Variants in MAP3K21 observed in about 807,000 individuals in gnomAD.
MAP3K21 encodes mitogen-activated protein kinase kinase kinase 21.
A neutral mutation model predicts 86.1 loss-of-function variants in MAP3K21; 63 were observed. The ratio of observed to expected loss-of-function variants is 0.73; its 90% CI spans 0.60 to 0.90. The LOEUF (loss-of-function observed/expected upper bound fraction) is 0.90. Among genes scored for constraint, MAP3K21 ranks in the 40% least tolerant of loss-of-function variants. The pLI is 0.00. For missense variants in MAP3K21, 1,220 were observed against 1,367.7 expected, an observed-to-expected ratio of 0.89 and a Z score of 1.70; for synonymous variants, 558 against 564.8, an observed-to-expected ratio of 0.99 and a Z score of 0.17.
At position 233,364,856 on chromosome 1, in the gene MAP3K21, G is replaced by C. The variant is rs574104375; in HGVS notation, c.1552+2563G>C. ...ACCAAGGAATGAAATTTGGTTTCTG[G>C]AATTTTTAGCATGACAGTTACCTCT... On this transcript the variant is annotated intron_variant, in intron 5 of 9. Transcript: ENST00000366624. 4.8e-4 allele frequency among the ~76,000 whole-genome samples: 73 copies of C among 152,106 alleles called. 1 individual carries two copies. The South Asian group carries it at 0.014, about 30-fold the overall frequency.
intron 4 of MAP3K21, 82 bp from the exon 5 acceptor site, chr1:233,361,971 G>C: frequency 6.7e-7 from 1 of 1,500,102 alleles, no homozygotes; most frequent in Non-Finnish European, 9.0e-7. Context: ...CCGTGGCCGA[G>C]GGGTCGCCAG....
chr1:233,333,857 T>C lies in MAP3K21; in HGVS notation c.805+5024T>C, dbSNP rs1411196121. Among the ~76,000 whole-genome samples the C allele has an allele frequency of 2.0e-5, 3 of 152,060 alleles. No individual in the cohort carries two copies. The East Asian group carries it at 5.8e-4, about 29-fold the overall frequency. On this transcript the variant is annotated intron_variant, in intron 1 of 9. Coordinates refer to ENST00000366624, the MANE Select transcript of MAP3K21 (RefSeq NM_032435.3). ...GCAGCTAAGGGAAACAGCATTGGCT[T>C]TTTTGTGTGTGTTTTTGTTTTTTTG...
intron 1 of MAP3K21, among the ~76,000 whole-genome samples, chr1:233,340,166 A>G (rs1270623521): frequency 6.6e-6 from 1 of 152,182 alleles, no homozygotes; most frequent in Non-Finnish European, 1.5e-5. Flanking sequence ...GCAAAAGGCA[A>G]TGGGGAGATG....
At chr1:233,380,779 CT>C (rs1208203434) in intron 9 of MAP3K21, among the ~76,000 whole-genome samples, 1 of 152,166 alleles carries the variant, frequency 6.6e-6, no homozygotes, top group Non-Finnish European at 1.5e-5. Context: ...AGAATTCAAA[CT>C]TACGGAAAAT....
intron 6 of MAP3K21, chr1:233,372,879 G>A (rs1663713372): frequency 1.3e-5 from 2 of 151,978 alleles, no homozygotes; most frequent in Non-Finnish European, 2.9e-5. Context: ...CTAAGTCTGT[G>A]GTAAACCATT....
At chr1:233,357,572 G>C (rs1021434961) in intron 4 of MAP3K21, among the ~76,000 whole-genome samples, 3 of 152,112 alleles carry the variant, frequency 2.0e-5, no homozygotes, top group Admixed American at 6.5e-5. Flanking sequence ...GTTCATCAAG[G>C]AGAGGCACCA....
At chr1:233,345,403 T>TA (rs1663114220) in intron 1 of MAP3K21, among the ~76,000 whole-genome samples, 1 of 151,944 alleles carries the variant, frequency 6.6e-6, no homozygotes, top group African/African-American at 2.4e-5. Context: ...TATGCAGCCG[T>TA]AAAAAAGGAT....
rs140204717 is a variant in MAP3K21 at position 233,357,501 on chromosome 1, T to C, written c.1311+2490T>C. 1.5e-3 allele frequency among the ~76,000 whole-genome samples: 232 copies of C among 152,256 alleles called. 1 individual carries two copies. The highest frequency in any genetic ancestry group is 2.4e-3 in the Admixed American group (36 of 15,302). On this transcript the variant is annotated intron_variant, in intron 4 of 9. Coordinates refer to ENST00000366624, the MANE Select transcript of MAP3K21 (RefSeq NM_032435.3). ...TAGATTTTTCAGTATTTGGTTACAT[T>C]GAAAAATGCACAACAGGTAAATGCA...
At chr1:233,351,837 A>G (rs1572246054) in intron 2 of MAP3K21, among the ~76,000 whole-genome samples, 1 of 152,354 alleles carries the variant, frequency 6.6e-6, no homozygotes, top group Non-Finnish European at 1.5e-5. Flanking sequence ...TAGTTATATT[A>G]GTAGAATTTA....
chr1:233,369,649 G>A (rs1051008748), intron 5 of MAP3K21, among the ~76,000 whole-genome samples: 1 of 152,116 alleles, frequency 6.6e-6, no homozygotes, highest in African/African-American at 2.4e-5. Flanking sequence ...AGAGGAAGAA[G>A]AATACTTCAT....
At chr1:233,334,995 G>GTTTTTTTTTTT in intron 1 of MAP3K21, among the ~76,000 whole-genome samples, 1 of 145,612 alleles carries the variant, frequency 6.9e-6, no homozygotes. Flanking sequence ...TAAGTTCTAG[G>GTTTTTTTTTTT]GTACATGTGC....
intron 9 of MAP3K21, among the ~76,000 whole-genome samples, chr1:233,380,571 A>G (rs1663894875): frequency 6.6e-6 from 1 of 152,250 alleles, no homozygotes; most frequent in Admixed American, 6.5e-5. Context: ...TATACCAGAC[A>G]GTTCCATGAG....
chr1:233,356,472 T>A (rs1572248350), intron 4 of MAP3K21, among the ~76,000 whole-genome samples: 1 of 79,846 alleles, frequency 1.3e-5, no homozygotes, highest in Middle Eastern at 6.1e-3. Context: ...AATGAGCAAT[T>A]ATTATTATTA....
chr1:233,372,909 C>T (rs983994301), intron 6 of MAP3K21: 1 of 152,030 alleles, frequency 6.6e-6, no homozygotes, highest in Non-Finnish European at 1.5e-5. Flanking sequence ...CCTCTCCTTC[C>T]TCCACCAAAC....
At chr1:233,336,722 A>G (rs549059158) in intron 1 of MAP3K21, among the ~76,000 whole-genome samples, 172 of 152,300 alleles carry the variant, frequency 1.1e-3, no homozygotes, top group Non-Finnish European at 1.5e-3. Context: ...ATGAGGAAAC[A>G]ATAATTTTTC....
At chr1:233,364,625 C>T (rs1406710175) in intron 5 of MAP3K21, among the ~76,000 whole-genome samples, 1 of 151,972 alleles carries the variant, frequency 6.6e-6, no homozygotes, top group African/African-American at 2.4e-5. Flanking sequence ...TGGCTAATAC[C>T]CTGAGTTTAT....
Position 233,327,854 on chromosome 1 carries a change from C to CCGA in MAP3K21, c.-174_-172dup. Reference sequence around the variant, plus strand: ...AGAGGCGGCTGGCCAGGAACGCGGGCCGAGGCTGGACCCTTTGGGCAGCTA... The same window carrying CCGA: ...AGAGGCGGCTGGCCAGGAACGCGGGCCGACGAGGCTGGACCCTTTGGGCAGCTA... On this transcript the variant is annotated 5_prime_UTR_variant, in exon 1 of 10. Transcript: ENST00000366624. 1 of 444,762 alleles carries CCGA rather than the reference C, an allele frequency of 2.2e-6. No individual in the cohort carries two copies. Among genetic ancestry groups the CCGA allele is most frequent in the African/African-American group, 2.0e-5 (1 of 48,782 alleles). The allele number at this position is 444,762 out of a possible 1,614,324, so 27.6% of individuals were successfully genotyped here.
chr1:233,368,307 G>A (rs1174203278), intron 5 of MAP3K21, among the ~76,000 whole-genome samples: 1 of 151,982 alleles, frequency 6.6e-6, no homozygotes, highest in Non-Finnish European at 1.5e-5. Context: ...CCACCACCTA[G>A]TCTAGTCAAT....
chr1:233,369,591 A>G (rs1350328976), intron 5 of MAP3K21, among the ~76,000 whole-genome samples: 3 of 152,194 alleles, frequency 2.0e-5, no homozygotes, highest in African/African-American at 7.2e-5. Flanking sequence ...TTGTACAGCC[A>G]TGAGCTCAGA....
Sources: gnomAD v4.1 joint callset for allele counts (sites outside exome capture counted in the v4.1 genomes callset) on GRCh38, gnomAD v4.1.1 for gene constraint, MANE v1.5 for transcripts, NCBI Gene and HGNC (gene_info 2026-07-23, HGNC 2026-07-21) for gene names.